The following CCDC187 variants were observed in gnomAD, a reference collection of about 807,000 sequenced individuals.
CCDC187 encodes coiled-coil domain-containing protein 187.
In CCDC187, 32 loss-of-function variants were observed where a neutral mutation model predicts 38.0. The ratio of observed to expected loss-of-function variants is 0.84; its 90% CI spans 0.64 to 1.13. CCDC187 has a LOEUF of 1.13. Among genes scored for constraint, CCDC187 ranks in the 50% most tolerant of loss-of-function variants. CCDC187 has a pLI of 0.00. For synonymous variants in CCDC187, 333 were observed against 347.9 expected, an observed-to-expected ratio of 0.96 and a Z score of 0.48; for missense variants, 707 against 786.8, an observed-to-expected ratio of 0.90 and a Z score of 1.21.
chr9:136,281,048 C>G (rs1831028622), intron 10 of CCDC187: 1 of 219,338 alleles, frequency 4.6e-6, no homozygotes, highest in Admixed American at 5.9e-5. Flanking sequence ...ATGGCTGCAC[C>G]AGCCCCTCCA....
chr9:136,269,521 G>A lies in CCDC187; in HGVS notation c.3443-1396C>T, dbSNP rs181508239. 1.1e-4 allele frequency among the ~76,000 whole-genome samples: 17 copies of A among 152,236 alleles called. No individual in the cohort carries two copies. The South Asian group carries it at 1.7e-3, about 15-fold the overall frequency. On this transcript the variant is annotated intron_variant, in intron 14 of 25. Coordinates refer to ENST00000638797, the MANE Select transcript of CCDC187 (RefSeq NM_001378188.1). ...AAATTAGCTGGGCGTGGTGGTGGGC[G>A]CCTGTAGTCCCAGGTACTCGGGAGG...
In CCDC187 at chr9:136,258,225, C is replaced by T. The variant is rs1482279480; in HGVS notation, c.4366+707G>A. Among the ~76,000 whole-genome samples the T allele has an allele frequency of 6.6e-6, 1 of 152,210 alleles. No individual in the cohort carries two copies. The highest frequency in any genetic ancestry group is 1.5e-5 in the Non-Finnish European group (1 of 68,026). On this transcript the variant is annotated intron_variant, in intron 22 of 25. Coordinates refer to ENST00000638797, the MANE Select transcript of CCDC187 (RefSeq NM_001378188.1). This position sits in a 1 kb window ranked among gnomAD's most constrained non-coding sequence, Gnocchi z 4.3. ...CACCAGCCACGCTCTCCTGGGCAGC[C>T]CCACAAGTGCTTCTGATCTCTTTCC... is the stretch of plus-strand genomic sequence containing the variant.
At chr9:136,283,108 G>C (rs1381723933) in intron 9 of CCDC187, among the ~76,000 whole-genome samples, 1 of 152,248 alleles carries the variant, frequency 6.6e-6, no homozygotes, top group Non-Finnish European at 1.5e-5. Flanking sequence ...AATTAGCTGG[G>C]CGTGGTGGCG....
intron 10 of CCDC187, chr9:136,281,171 T>C (rs1307751951): frequency 5.7e-6 from 2 of 348,538 alleles, no homozygotes; most frequent in Non-Finnish European, 1.0e-5. Flanking sequence ...CACCAGGCAG[T>C]GGGCACTGCT....
chr9:136,268,285 AC>A, intron 14 of CCDC187, 160 bp from the exon 15 acceptor site: 1 of 218,976 alleles, frequency 4.6e-6, no homozygotes, highest in Non-Finnish European at 7.7e-6. Flanking sequence ...AATCCACAAG[AC>A]CACGCGGGAA....
At chr9:136,293,654 TCA>T (rs1365728823) in intron 4 of CCDC187, among the ~76,000 whole-genome samples, 2 of 150,340 alleles carry the variant, frequency 1.3e-5, no homozygotes, top group East Asian at 2.0e-4. Flanking sequence ...ACACTCATGC[TCA>T]CACTCTGTCA....
chr9:136,279,305 G>A (rs945683473), intron 10 of CCDC187, among the ~76,000 whole-genome samples: 1 of 152,144 alleles, frequency 6.6e-6, no homozygotes, highest in South Asian at 2.1e-4. Context: ...AGTCTAGAAG[G>A]TTCCATTGGA....
At chr9:136,301,119 G>A (rs1831670726) in intron 2 of CCDC187, among the ~76,000 whole-genome samples, 1 of 152,216 alleles carries the variant, frequency 6.6e-6, no homozygotes, top group Admixed American at 6.5e-5. Context: ...CCAGGAAGGA[G>A]GTACCACAGT....
At chr9:136,300,596 A>G (rs1831654640) in intron 2 of CCDC187, among the ~76,000 whole-genome samples, 1 of 81,452 alleles carries the variant, frequency 1.2e-5, no homozygotes. Flanking sequence ...GTATTTCAAA[A>G]GACTTTTTTT....
At position 136,302,906 on chromosome 9, in the gene CCDC187, G is replaced by A. The variant is rs1466899844; in HGVS notation, c.531C>T (p.Pro177=). The A allele has an allele frequency of 2.5e-6, 1 of 398,576 alleles. No homozygotes were observed. Among genetic ancestry groups the A allele is most frequent in the Non-Finnish European group, 4.4e-6 (1 of 226,122 alleles). 24.7% of individuals were successfully genotyped at this position (398,576 alleles called of 1,614,324 possible). A position where few individuals can be genotyped will look rare whatever the true frequency, so the allele number is the denominator to read the frequency against. Residue 177 remains proline (P), a synonymous_variant, in exon 2 of 26, where the codon CCC becomes CCT. Transcript: ENST00000638797. ...CTTTGTGGAGTCTGGAGGCGCTGGAGGGGGCTGAGGTGCCCAGGGACGCAC... is the reference window on the plus strand; with the variant it reads ...CTTTGTGGAGTCTGGAGGCGCTGGAAGGGGCTGAGGTGCCCAGGGACGCAC... ...GSCASLGTSA[P]SSASRLHKAS...
intron 15 of CCDC187, 75 bp from the exon 16 acceptor site, chr9:136,267,586 G>A: frequency 1.0e-6 from 1 of 985,590 alleles, no homozygotes; most frequent in Non-Finnish European, 1.2e-6. Context: ...CTCCAGTAGG[G>A]TGGGCCGCGT....
At chr9:136,284,803 T>A (rs1435951148) in intron 9 of CCDC187, among the ~76,000 whole-genome samples, 1 of 152,068 alleles carries the variant, frequency 6.6e-6, no homozygotes, top group African/African-American at 2.4e-5. Context: ...CCACAGCTGC[T>A]GCTGAGGCTT....
intron 19 of CCDC187, 80 bp downstream of exon 19, chr9:136,262,231 A>C (rs62579903): frequency 2.1e-3 from 1,722 of 822,120 alleles, no homozygotes; most frequent in Middle Eastern, 4.4e-3. Flanking sequence ...TCCACCGGCC[A>C]CCCGGGGCAG....
intron 16 of CCDC187, 82 bp downstream of exon 16, chr9:136,267,302 G>T (rs956804448): frequency 9.2e-5 from 86 of 932,966 alleles, no homozygotes; most frequent in Non-Finnish European, 1.1e-4. Flanking sequence ...GGGGCAGGGA[G>T]GGGGCGGGGC....
chr9:136,293,966 G>A (rs1461837529), intron 4 of CCDC187, among the ~76,000 whole-genome samples: 3 of 142,010 alleles, frequency 2.1e-5, no homozygotes, highest in Non-Finnish European at 4.6e-5. Context: ...ATATACACAT[G>A]CCCTCACATG....
chr9:136,265,903 G>T, intron 17 of CCDC187, 53 bp downstream of exon 17: 1 of 867,354 alleles, frequency 1.2e-6, no homozygotes, highest in Non-Finnish European at 1.4e-6. Flanking sequence ...AAGATGACAC[G>T]ACTGCCTCTG....
At chr9:136,303,334 G>C (rs1002460802) in intron 1 of CCDC187, 41 bp from the exon 2 acceptor site, 4,476 of 396,218 alleles carry the variant, frequency 0.011, 34 homozygotes, top group Non-Finnish European at 0.013. Context: ...ACATGCAGGC[G>C]CAGAGGTGCC....
intron 14 of CCDC187, among the ~76,000 whole-genome samples, chr9:136,270,080 G>C (rs1830814292): frequency 6.6e-6 from 1 of 152,234 alleles, no homozygotes; most frequent in Non-Finnish European, 1.5e-5. Flanking sequence ...AATACAAAGA[G>C]CTTCAGTAAG....
chr9:136,294,119 C>CA (rs1831472182), intron 4 of CCDC187, among the ~76,000 whole-genome samples: 1 of 76,034 alleles, frequency 1.3e-5, no homozygotes, highest in Non-Finnish European at 2.9e-5. Context: ...CTCACACACT[C>CA]TCACACTCAT....
Sources: allele counts gnomAD v4.1 joint callset (sites outside exome capture counted in the v4.1 genomes callset), GRCh38; gene constraint gnomAD v4.1.1; non-coding constraint Gnocchi (gnomAD v3.1); transcripts MANE v1.5; gene names NCBI Gene and HGNC (gene_info 2026-07-23, HGNC 2026-07-21).